The following SBF2 variants were observed in gnomAD, a reference collection of about 807,000 sequenced individuals.
SBF2 encodes SET binding factor 2, also known as myotubularin-related protein 13.
SBF2 carries 112 observed loss-of-function variants against 225.2 expected under a neutral mutation model. That is an observed-to-expected ratio of 0.50 (90% CI 0.43 to 0.58). SBF2 has a LOEUF of 0.58. Among genes scored for constraint, SBF2 ranks in the 20% least tolerant of loss-of-function variants. The probability of loss-of-function intolerance (pLI) is 0.00; values close to 1 mark genes in which losing one functional copy is unlikely to be tolerated. For synonymous variants in SBF2, 763 were observed against 773.3 expected (o/e 0.99, Z 0.22); for missense variants, 1,996 against 2,206.2 (o/e 0.90, Z 1.91).
intron 2 of SBF2, among the ~76,000 whole-genome samples, chr11:10,114,073 T>G (rs1953015055): frequency 6.6e-6 from 1 of 152,166 alleles, no homozygotes; most frequent in African/African-American, 2.4e-5. Context: ...CATTTACTAC[T>G]TGTGTGGCTT....
intron 32 of SBF2, among the ~76,000 whole-genome samples, chr11:9,799,028 A>G (rs139266158): frequency 2.1e-3 from 313 of 152,228 alleles, no homozygotes; most frequent in Non-Finnish European, 3.3e-3. Flanking sequence ...CTCAATGACT[A>G]TTCTTCATAG....
At chr11:9,976,072 C>CTTTTTTTTTT (rs773334975) in intron 13 of SBF2, among the ~76,000 whole-genome samples, 3 of 128,262 alleles carry the variant, frequency 2.3e-5, no homozygotes, top group Non-Finnish European at 3.3e-5. Context: ...TCTTCTTCTT[C>CTTTTTTTTTT]TTTTTTTTTT....
intron 2 of SBF2, among the ~76,000 whole-genome samples, chr11:10,173,680 G>A (rs1956323197): frequency 6.6e-6 from 1 of 152,070 alleles, no homozygotes; most frequent in South Asian, 2.1e-4. Context: ...AGGCCTGCCT[G>A]CCTCTGTAGG....
intron 32 of SBF2, among the ~76,000 whole-genome samples, chr11:9,804,508 C>T (rs1853678147): frequency 6.6e-6 from 1 of 152,142 alleles, no homozygotes; most frequent in African/African-American, 2.4e-5. Context: ...TAGTTTTGGT[C>T]ACTGTACACA....
At chr11:10,240,971 T>C (rs932313673) in intron 1 of SBF2, among the ~76,000 whole-genome samples, 4 of 152,226 alleles carry the variant, frequency 2.6e-5, no homozygotes, top group Non-Finnish European at 4.4e-5. Context: ...ATACCAATTG[T>C]TTGACAAATT....
intron 1 of SBF2, among the ~76,000 whole-genome samples, chr11:10,199,370 AATAC>A (rs1259045668): frequency 6.6e-6 from 1 of 152,146 alleles, no homozygotes; most frequent in Non-Finnish European, 1.5e-5. Flanking sequence ...ATATCACCAA[AATAC>A]ATATAATGGA....
chr11:10,056,128 GT>G (rs1300450375), intron 2 of SBF2, among the ~76,000 whole-genome samples: 1 of 152,122 alleles, frequency 6.6e-6, no homozygotes, highest in Admixed American at 6.5e-5. Flanking sequence ...ATGCCATGCT[GT>G]TTTGGTCACT....
intron 1 of SBF2, among the ~76,000 whole-genome samples, chr11:10,272,581 G>C (rs1244882024): frequency 6.6e-6 from 1 of 151,900 alleles, no homozygotes; most frequent in African/African-American, 2.4e-5. Context: ...AGACCAGCCA[G>C]GGCAACACGG....
intron 9 of SBF2, among the ~76,000 whole-genome samples, chr11:9,996,259 A>G (rs1370859546): frequency 6.6e-6 from 1 of 152,238 alleles, no homozygotes; most frequent in African/African-American, 2.4e-5. Flanking sequence ...TAGGAATTCT[A>G]GAAACATTAA....
At chr11:10,210,813 G>C (rs1476340426) in intron 1 of SBF2, among the ~76,000 whole-genome samples, 2 of 151,918 alleles carry the variant, frequency 1.3e-5, no homozygotes, top group African/African-American at 4.8e-5. Flanking sequence ...AGGAGTTAGA[G>C]ACCAGCCTGG....
intron 32 of SBF2, among the ~76,000 whole-genome samples, chr11:9,799,905 T>A (rs946310912): frequency 6.6e-6 from 1 of 152,234 alleles, no homozygotes; most frequent in African/African-American, 2.4e-5. Flanking sequence ...TATTTGCATA[T>A]CTTTGGTGAA....
intron 2 of SBF2, among the ~76,000 whole-genome samples, chr11:10,158,827 G>C (rs935581868): frequency 6.6e-6 from 1 of 152,192 alleles, no homozygotes; most frequent in East Asian, 1.9e-4. Context: ...TATCCCTGGA[G>C]GGCAAGAATG....
intron 2 of SBF2, among the ~76,000 whole-genome samples, chr11:10,068,150 C>A (rs1408934806): frequency 6.6e-6 from 1 of 152,244 alleles, no homozygotes; most frequent in African/African-American, 2.4e-5. Context: ...TGCTTGCAAA[C>A]TGCCAGCTGC....
At chr11:9,934,496 A>G (rs1463452755) in intron 16 of SBF2, among the ~76,000 whole-genome samples, 1 of 152,206 alleles carries the variant, frequency 6.6e-6, no homozygotes, top group Non-Finnish European at 1.5e-5. Flanking sequence ...TGGCAAAGAC[A>G]CAACAGAAAA....
At chr11:9,926,957 T>A (rs1318288449) in intron 16 of SBF2, among the ~76,000 whole-genome samples, 5 of 152,040 alleles carry the variant, frequency 3.3e-5, no homozygotes, top group African/African-American at 1.2e-4. Context: ...AACCCGAAAC[T>A]GGTTCTCTGA....
chr11:10,292,293 CAG>C (rs886693525), intron 1 of SBF2, among the ~76,000 whole-genome samples: 3 of 152,182 alleles, frequency 2.0e-5, no homozygotes, highest in African/African-American at 7.2e-5. Context: ...TCTGGGATGA[CAG>C]GGCATCAGGT....
intron 2 of SBF2, among the ~76,000 whole-genome samples, chr11:10,065,125 TG>T (rs1215630634): frequency 6.6e-6 from 1 of 152,114 alleles, no homozygotes; most frequent in Non-Finnish European, 1.5e-5. Flanking sequence ...AAATATCTCT[TG>T]AAAAATCATA....
chr11:9,860,261 G>GTTTT (rs66485704), intron 17 of SBF2, among the ~76,000 whole-genome samples: 13 of 127,386 alleles, frequency 1.0e-4, no homozygotes, highest in South Asian at 2.6e-4. Flanking sequence ...TTTTGAAACA[G>GTTTT]TTTTTTTTTT....
intron 2 of SBF2, among the ~76,000 whole-genome samples, chr11:10,126,615 T>C (rs367636772): frequency 2.6e-5 from 4 of 152,236 alleles, no homozygotes; most frequent in South Asian, 4.1e-4. Flanking sequence ...TAAAATATTA[T>C]ATTTAGTAAA....
Sources: allele counts gnomAD v4.1 joint callset (sites outside exome capture counted in the v4.1 genomes callset), GRCh38; gene constraint gnomAD v4.1.1; transcripts MANE v1.5; gene names NCBI Gene and HGNC (gene_info 2026-07-23, HGNC 2026-07-21).